Variants in PHACTR4 observed in about 807,000 individuals in gnomAD.
PHACTR4 encodes protein phosphatase 1, regulatory subunit 124.
A neutral mutation model predicts 72.7 loss-of-function variants in PHACTR4; 51 were observed. The ratio of observed to expected loss-of-function variants is 0.70; its 90% CI spans 0.56 to 0.89. The LOEUF is 0.89. Ranked by LOEUF, PHACTR4 falls within the 40% of genes least tolerant of loss-of-function variation. The pLI, the probability that PHACTR4 is intolerant of heterozygous loss-of-function variation, is 0.00. For missense variants in PHACTR4, 731 were observed against 861.8 expected (o/e 0.85, Z 1.90); for synonymous variants, 255 against 302.5 (o/e 0.84, Z 1.63).
intron 2 of PHACTR4, among the ~76,000 whole-genome samples, chr1:28,429,899 AC>A (rs1002480772): frequency 3.3e-5 from 5 of 152,182 alleles, no homozygotes; most frequent in African/African-American, 1.2e-4. Flanking sequence ...AGAGAAAAAA[AC>A]TTTTTTTTGG....
chr1:28,405,867 G>T (rs1429471401), intron 1 of PHACTR4, among the ~76,000 whole-genome samples: 3 of 151,552 alleles, frequency 2.0e-5, no homozygotes, highest in Non-Finnish European at 2.9e-5. Context: ...CTCCAGCCTG[G>T]ACAACAGAGC....
intron 1 of PHACTR4, among the ~76,000 whole-genome samples, chr1:28,402,288 A>G (rs1158457387): frequency 5.3e-5 from 8 of 152,302 alleles, no homozygotes; most frequent in Admixed American, 1.3e-4. Flanking sequence ...TGGGAGTGGG[A>G]AATCAAGAGT....
chr1:28,457,830 A>G (rs571248179), intron 2 of PHACTR4: 2 of 984,378 alleles, frequency 2.0e-6, no homozygotes, highest in Non-Finnish European at 2.4e-6. Flanking sequence ...CTTCCTCTCT[A>G]GACTTCTCCA....
At chr1:28,415,668 G>C (rs1365557040) in intron 2 of PHACTR4, among the ~76,000 whole-genome samples, 1 of 152,106 alleles carries the variant, frequency 6.6e-6, no homozygotes, top group African/African-American at 2.4e-5. Context: ...AACATGACTT[G>C]TTGAAAATAC....
intron 1 of PHACTR4, among the ~76,000 whole-genome samples, chr1:28,400,799 C>A (rs1053178167): frequency 3.3e-5 from 5 of 152,032 alleles, no homozygotes; most frequent in African/African-American, 1.2e-4. Context: ...AGGCTGGTCT[C>A]GAACTCCTGA....
chr1:28,487,499 T>G (rs1291464250), intron 9 of PHACTR4, among the ~76,000 whole-genome samples: 1 of 129,484 alleles, frequency 7.7e-6, no homozygotes, highest in Non-Finnish European at 1.6e-5. Flanking sequence ...GGGTACAGAG[T>G]GAGACCCTGA....
intron 10 of PHACTR4, 117 bp from the exon 11 acceptor site, chr1:28,490,834 A>G: frequency 9.3e-7 from 1 of 1,071,776 alleles, no homozygotes; most frequent in Admixed American, 2.2e-5. Flanking sequence ...CAAGAGCAAA[A>G]CTCCGTCTCA....
At chr1:28,427,525 CAAAAT>C (rs1655950094) in intron 2 of PHACTR4, among the ~76,000 whole-genome samples, 2 of 151,624 alleles carry the variant, frequency 1.3e-5, no homozygotes, top group African/African-American at 4.8e-5. Flanking sequence ...GACCCTGTCT[CAAAAT>C]AAAAAATAAA....
chr1:28,493,229 A>G, intron 13 of PHACTR4, 138 bp downstream of exon 13: 1 of 749,482 alleles, frequency 1.3e-6, no homozygotes, highest in Non-Finnish European at 2.2e-6. Flanking sequence ...AAAGGGATGA[A>G]AAGTAAGAAG....
chr1:28,486,938 G>GA (rs1660681205), intron 9 of PHACTR4, among the ~76,000 whole-genome samples: 1 of 151,856 alleles, frequency 6.6e-6, no homozygotes, highest in African/African-American at 2.4e-5. Context: ...TGAGCTGGGG[G>GA]AATCACTTGA....
At chr1:28,400,980 A>C in intron 1 of PHACTR4, among the ~76,000 whole-genome samples, 1 of 152,142 alleles carries the variant, frequency 6.6e-6, no homozygotes, top group East Asian at 1.9e-4. Flanking sequence ...GTCTTGAGTA[A>C]TCACCTGTCT....
At chr1:28,438,183 T>C (rs1040813721) in intron 2 of PHACTR4, 1 of 1,296,568 alleles carries the variant, frequency 7.7e-7, no homozygotes, top group Admixed American at 3.8e-5. Flanking sequence ...GTGAAGACAG[T>C]TTTGTAAGAA....
chr1:28,372,683 C>T (rs561821174), intron 1 of PHACTR4, among the ~76,000 whole-genome samples: 74 of 152,026 alleles, frequency 4.9e-4, no homozygotes, highest in Non-Finnish European at 9.9e-4. Flanking sequence ...AAAATCCCAT[C>T]TCTACTAAAA....
intron 9 of PHACTR4, among the ~76,000 whole-genome samples, chr1:28,484,312 C>T (rs571614980): frequency 6.6e-6 from 1 of 152,138 alleles, no homozygotes; most frequent in South Asian, 2.1e-4. Context: ...CAGAGTAAGA[C>T]TCCATCTCAA....
At chr1:28,486,627 G>A (rs1483804650) in intron 9 of PHACTR4, among the ~76,000 whole-genome samples, 5 of 152,138 alleles carry the variant, frequency 3.3e-5, no homozygotes, top group Non-Finnish European at 7.4e-5. Context: ...AACACTTTGG[G>A]AGGCTGAGGT....
At chr1:28,449,687 A>G (rs925448906) in intron 2 of PHACTR4, among the ~76,000 whole-genome samples, 2 of 152,018 alleles carry the variant, frequency 1.3e-5, no homozygotes, top group Non-Finnish European at 2.9e-5. Context: ...CCCTGTCTCT[A>G]CTAAAAATAC....
chr1:28,475,345 A>G (rs1008179622), intron 7 of PHACTR4, among the ~76,000 whole-genome samples: 6 of 151,914 alleles, frequency 3.9e-5, no homozygotes, highest in Non-Finnish European at 1.5e-5. Context: ...AAAAATTACA[A>G]CCGCTAGTTT....
At chr1:28,496,480 T>C (rs377678571) in intron 13 of PHACTR4, 54 bp from the exon 14 acceptor site, 46 of 1,592,288 alleles carry the variant, frequency 2.9e-5, no homozygotes, top group Middle Eastern at 1.7e-4. Context: ...GATACATTAA[T>C]AGCAAAGCAA....
At chr1:28,429,713 A>G (rs913863509) in intron 2 of PHACTR4, among the ~76,000 whole-genome samples, 7 of 152,218 alleles carry the variant, frequency 4.6e-5, no homozygotes, top group African/African-American at 1.7e-4. Flanking sequence ...ACAAGCATTG[A>G]GAGTTTAAGG....
Sources: allele counts gnomAD v4.1 joint callset (sites outside exome capture counted in the v4.1 genomes callset), GRCh38; gene constraint gnomAD v4.1.1; transcripts MANE v1.5; gene names NCBI Gene and HGNC (gene_info 2026-07-23, HGNC 2026-07-21).